LRP1B: variants seen among roughly 807,000 people sequenced by gnomAD.
LRP1B encodes the protein low-density lipoprotein receptor-related protein 1B.
LRP1B carries 217 observed loss-of-function variants against 556.6 expected under a neutral mutation model. The observed-to-expected ratio is 0.39, with a 90% CI of 0.35 to 0.44. LRP1B has a LOEUF of 0.44. LRP1B is among the 20% of genes least tolerant of loss of function. The probability of loss-of-function intolerance (pLI) is 1.00; values close to 1 mark genes in which losing one functional copy is unlikely to be tolerated. For missense variants in LRP1B, 5,053 were observed against 5,620.8 expected, an observed-to-expected ratio of 0.90 and a Z score of 3.23; for synonymous variants, 2,047 against 1,865.8, an observed-to-expected ratio of 1.10 and a Z score of -2.50.
intron 2 of LRP1B, among the ~76,000 whole-genome samples, chr2:141,544,381 T>TCTCCTCCTC (rs1170452147): frequency 1.3e-5 from 1 of 79,754 alleles, no homozygotes; most frequent in Admixed American, 1.5e-4. Context: ...TTCTTCTTCT[T>TCTCCTCCTC]CTCCTCCTCC....
At chr2:141,244,932 A>T (rs1183799985) in intron 5 of LRP1B, among the ~76,000 whole-genome samples, 3 of 152,122 alleles carry the variant, frequency 2.0e-5, no homozygotes, top group Admixed American at 6.6e-5. Context: ...TATGTATTCC[A>T]TTATCAATTC....
In LRP1B at chr2:141,624,037, A is replaced by AAAAAAAAC. The variant is rs1688611040; in HGVS notation, c.206-143505_206-143504insGTTTTTTT. On this transcript the variant is annotated intron_variant, in intron 2 of 90. Transcript: ENST00000389484. ...ACTCAAAAAAAAAAAAAAATTAAAC[A>AAAAAAAAC]AAAAAAAAAAGAAAAGAAAAAAAAC... Among the ~76,000 whole-genome samples, 3 of 24,212 alleles carry AAAAAAAAC rather than the reference A, an allele frequency of 1.2e-4. 1 individual carries two copies. The highest frequency in any genetic ancestry group is 3.9e-4 in the Non-Finnish European group (3 of 7,718). The allele number at this position is 24,212 out of a possible 152,430, so 15.9% of individuals were successfully genotyped here. A position where few individuals can be genotyped will look rare whatever the true frequency, so the allele number is the denominator to read the frequency against.
intron 2 of LRP1B, among the ~76,000 whole-genome samples, chr2:141,697,793 A>G (rs1445154886): frequency 6.6e-6 from 1 of 152,008 alleles, no homozygotes; most frequent in African/African-American, 2.4e-5. Context: ...GAAAGTGGCT[A>G]CAAATAGCAT....
At position 141,020,091 on chromosome 2, in the gene LRP1B, C is replaced by T. The variant is rs2105397263; in HGVS notation, c.1801G>A (p.Val601Ile). 1.9e-6 allele frequency: 3 copies of T among 1,577,468 alleles called. No homozygotes were observed. The highest frequency in any genetic ancestry group is 2.6e-6 in the Non-Finnish European group (3 of 1,161,920). ...ATCCAGTCCACAGCAATGCCCTCTACATTATCCAGATCTATAAAAAAAGCA... is the reference window on the plus strand; with the variant it reads ...ATCCAGTCCACAGCAATGCCCTCTATATTATCCAGATCTATAAAAAAAGCA... ...ETILKDDLDN[V>I]EGIAVDWIGN... is the part of the protein sequence containing the mutation. The change falls in exon 12 of 91, where the codon GTA (valine) becomes ATA (isoleucine). Residue 601 changes from valine (V) to isoleucine (I), a missense_variant. By Grantham distance (29) the Val-to-Ile change is conservative. Around this residue, in one of 5 missense-constraint regions of LRP1B, gnomAD observed 3,619 missense variants for 3,931.9 expected, o/e 0.92. Transcript: ENST00000389484.
At chr2:141,086,365 ATTTC>A (rs1700046499) in intron 7 of LRP1B, among the ~76,000 whole-genome samples, 1 of 152,100 alleles carries the variant, frequency 6.6e-6, no homozygotes, top group Admixed American at 6.6e-5. Context: ...TGATTTGCCT[ATTTC>A]TTTAATTACA....
intron 43 of LRP1B, among the ~76,000 whole-genome samples, chr2:140,571,296 A>G (rs1280994476): frequency 6.6e-6 from 1 of 151,804 alleles, no homozygotes; most frequent in East Asian, 1.9e-4. Flanking sequence ...TATAACTGAT[A>G]AATAATTTAG....
intron 1 of LRP1B, among the ~76,000 whole-genome samples, chr2:141,923,258 T>C (rs185209735): frequency 4.0e-5 from 6 of 151,814 alleles, no homozygotes; most frequent in Admixed American, 3.9e-4. Flanking sequence ...CAAGGGATGA[T>C]GACTTGCCAC....
intron 2 of LRP1B, among the ~76,000 whole-genome samples, chr2:141,563,594 T>A (rs191742619): frequency 1.7e-4 from 26 of 152,036 alleles, no homozygotes; most frequent in Non-Finnish European, 2.9e-4. Context: ...TGAGAGAAGT[T>A]GTAAAACTAT....
intron 74 of LRP1B, 29 bp from the exon 75 acceptor site, chr2:140,356,505 A>G (rs1682228724): frequency 6.6e-7 from 1 of 1,505,160 alleles, no homozygotes; most frequent in Non-Finnish European, 9.1e-7. Flanking sequence ...ATCAAAACTA[A>G]TATAATTCTA....
intron 31 of LRP1B, among the ~76,000 whole-genome samples, chr2:140,835,106 C>T (rs1429740916): frequency 6.6e-6 from 1 of 152,254 alleles, no homozygotes; most frequent in Middle Eastern, 3.4e-3. Context: ...AAATATACTT[C>T]TTTGGTCTAT....
At chr2:141,714,193 A>G (rs921572156) in intron 2 of LRP1B, among the ~76,000 whole-genome samples, 5 of 152,134 alleles carry the variant, frequency 3.3e-5, no homozygotes, top group African/African-American at 1.2e-4. Context: ...AACTTCAAGT[A>G]TGTGATTTTG....
intron 35 of LRP1B, 108 bp downstream of exon 35, chr2:140,769,105 A>G (rs1689213948): frequency 9.8e-7 from 1 of 1,015,290 alleles, no homozygotes; most frequent in Non-Finnish European, 1.4e-6. Flanking sequence ...CTGCTTTCTT[A>G]TTTCTCATCT....
chr2:140,805,769 A>G (rs1205128377), intron 32 of LRP1B, among the ~76,000 whole-genome samples: 2 of 152,338 alleles, frequency 1.3e-5, no homozygotes, highest in East Asian at 3.9e-4. Flanking sequence ...GCAAAATAAC[A>G]ATTACTTTTG....
At chr2:140,612,974 C>A (rs976757599) in intron 41 of LRP1B, among the ~76,000 whole-genome samples, 2 of 150,362 alleles carry the variant, frequency 1.3e-5, no homozygotes, top group Non-Finnish European at 3.0e-5. Flanking sequence ...GATTTATTTG[C>A]CACCCAGCAA....
At chr2:140,287,405 T>A (rs1683191223) in intron 84 of LRP1B, among the ~76,000 whole-genome samples, 1 of 151,676 alleles carries the variant, frequency 6.6e-6, no homozygotes, top group Non-Finnish European at 1.5e-5. Flanking sequence ...AATCGAGAAA[T>A]CAGTTAAATC....
rs940831007 is a variant in LRP1B, at chr2:141,530,248, T to G, written c.206-49715A>C. 2.0e-5 allele frequency among the ~76,000 whole-genome samples: 3 copies of G among 152,258 alleles called. 1 individual carries two copies. The South Asian group carries it at 6.2e-4, about 32-fold the overall frequency. On this transcript the variant is annotated intron_variant, in intron 2 of 90. Coordinates refer to ENST00000389484, the MANE Select transcript of LRP1B (RefSeq NM_018557.3). ...TTTCTAAATAAGGTTCATTCATTAA[T>G]AAAGTTATGGGTTAGATTATTTCTC...
At chr2:141,129,863 A>G (rs1384628806) in intron 7 of LRP1B, among the ~76,000 whole-genome samples, 1 of 151,728 alleles carries the variant, frequency 6.6e-6, no homozygotes, top group African/African-American at 2.4e-5. Context: ...AAGGTAAAAA[A>G]ACTGATTGTA....
intron 41 of LRP1B, among the ~76,000 whole-genome samples, chr2:140,646,569 C>G (rs1003840322): frequency 1.3e-5 from 2 of 152,138 alleles, no homozygotes; most frequent in Non-Finnish European, 1.5e-5. Flanking sequence ...GCTGCCTCCT[C>G]TACTCCAGGC....
At chr2:141,079,706 T>C (rs1699878095) in intron 7 of LRP1B, among the ~76,000 whole-genome samples, 1 of 152,200 alleles carries the variant, frequency 6.6e-6, no homozygotes, top group South Asian at 2.1e-4. Context: ...TAATCATTAA[T>C]AAATAATGTT....
Sources: gnomAD v4.1 joint callset for allele counts (sites outside exome capture counted in the v4.1 genomes callset) on GRCh38, gnomAD v4.1.1 for gene constraint, gnomAD v4.1.1 regional missense constraint, MANE v1.5 for transcripts, NCBI Gene and HGNC (gene_info 2026-07-23, HGNC 2026-07-21) for gene names.